Variants in DNAH5 observed in about 807,000 individuals in gnomAD.
DNAH5 encodes dynein axonemal heavy chain 5.
Under a neutral mutation model 518.2 loss-of-function variants are expected in DNAH5, and 372 were observed. The ratio of observed to expected loss-of-function variants is 0.72; its 90% CI spans 0.66 to 0.78. The LOEUF (loss-of-function observed/expected upper bound fraction) is 0.78. DNAH5 is among the 30% of genes least tolerant of loss of function. The pLI, the probability that DNAH5 is intolerant of heterozygous loss-of-function variation, is 0.00. For missense variants in DNAH5, 5,523 were observed against 5,687.0 expected (o/e 0.97, Z 0.93); for synonymous variants, 2,039 against 2,025.9 (o/e 1.01, Z -0.17).
At chr5:13,800,413 G>A (rs1039953347) in intron 47 of DNAH5, among the ~76,000 whole-genome samples, 1 of 152,110 alleles carries the variant, frequency 6.6e-6, no homozygotes, top group Non-Finnish European at 1.5e-5. Context: ...CACAAAGTCT[G>A]CACCCCTTTG....
At chr5:13,752,817 C>A (rs575805535) in intron 63 of DNAH5, among the ~76,000 whole-genome samples, 1 of 152,286 alleles carries the variant, frequency 6.6e-6, no homozygotes, top group East Asian at 1.9e-4. Flanking sequence ...AACAAACTAT[C>A]ATTTTGTTTT....
At chr5:13,883,256 G>T (rs1236392781) in intron 19 of DNAH5, among the ~76,000 whole-genome samples, 162 bp from the exon 20 acceptor site, 1 of 151,812 alleles carries the variant, frequency 6.6e-6, no homozygotes, top group Non-Finnish European at 1.5e-5. Flanking sequence ...ATCTAGTATT[G>T]CTCAATATAA....
intron 19 of DNAH5, 68 bp downstream of exon 19, chr5:13,884,920 AC>A: frequency 6.4e-7 from 1 of 1,573,216 alleles, no homozygotes; most frequent in East Asian, 2.3e-5. Flanking sequence ...ACGTGCACAC[AC>A]ACACACACAC....
intron 70 of DNAH5, 39 bp from the exon 71 acceptor site, chr5:13,721,284 AACTCTT>A: frequency 6.2e-7 from 1 of 1,613,628 alleles, no homozygotes; most frequent in Non-Finnish European, 8.5e-7. Flanking sequence ...AAGTCATTCC[AACTCTT>A]TCATGTAGAT....
At chr5:13,937,672 A>G (rs965778253) in intron 1 of DNAH5, among the ~76,000 whole-genome samples, 3 of 97,748 alleles carry the variant, frequency 3.1e-5, no homozygotes, top group Non-Finnish European at 6.1e-5. Flanking sequence ...GCCAAAGAAT[A>G]TTTGGTTGTT....
intron 3 of DNAH5, among the ~76,000 whole-genome samples, chr5:13,924,339 T>C (rs1286977132): frequency 6.6e-6 from 1 of 152,174 alleles, no homozygotes; most frequent in Non-Finnish European, 1.5e-5. Flanking sequence ...CAAGTTACTT[T>C]ATCTTTCTGT....
intron 38 of DNAH5, among the ~76,000 whole-genome samples, chr5:13,828,660 C>T (rs1157273878): frequency 1.3e-5 from 2 of 152,186 alleles, no homozygotes; most frequent in Non-Finnish European, 2.9e-5. Context: ...GTTGGGGAAA[C>T]CCATATAGCA....
At chr5:13,870,400 G>A (rs1196080533) in intron 24 of DNAH5, among the ~76,000 whole-genome samples, 7 of 152,138 alleles carry the variant, frequency 4.6e-5, no homozygotes, top group African/African-American at 1.7e-4. Context: ...TCCTTTGCAT[G>A]AAGGAGGGCC....
intron 76 of DNAH5, among the ~76,000 whole-genome samples, chr5:13,702,471 G>C (rs1742240551): frequency 6.6e-6 from 1 of 152,196 alleles, no homozygotes; most frequent in South Asian, 2.1e-4. Context: ...GGCAGAGGGA[G>C]CCGCTAATGA....
intron 64 of DNAH5, 102 bp from the exon 65 acceptor site, chr5:13,751,362 G>T: frequency 8.7e-7 from 1 of 1,151,170 alleles, no homozygotes; most frequent in South Asian, 1.4e-5. Flanking sequence ...TACATAATTG[G>T]AGATCATTTG....
rs191789720 is a variant in DNAH5 at position 13,993,147 on chromosome 5, G to A, written c.12+18501C>T. On this transcript the variant is annotated intron_variant, in intron 1 of 78. Coordinates refer to the DNAH5 transcript ENST00000681290. ...TCCACTTTTTTCCTTAGCGATGCCCGTCTACGCATGCTTAGCTTTCCAATG... is the reference window on the plus strand; with the variant it reads ...TCCACTTTTTTCCTTAGCGATGCCCATCTACGCATGCTTAGCTTTCCAATG... Among the ~76,000 whole-genome samples, 16 of 152,276 alleles carry A rather than the reference G, an allele frequency of 1.1e-4. No individual in the cohort carries two copies. The East Asian group carries it at 1.3e-3, about 13-fold the overall frequency.
At chr5:13,729,657 CT>C (rs1273759603) in intron 68 of DNAH5, 97 bp from the exon 69 acceptor site, 4 of 1,095,994 alleles carry the variant, frequency 3.6e-6, no homozygotes, top group Non-Finnish European at 5.1e-6. Context: ...AGTTATTTTA[CT>C]ACTTTCACTT....
At chr5:13,795,279 T>C (rs1261571520) in intron 47 of DNAH5, among the ~76,000 whole-genome samples, 1 of 150,428 alleles carries the variant, frequency 6.6e-6, no homozygotes, top group Non-Finnish European at 1.5e-5. Context: ...TTTGAAAAGA[T>C]CAACAAAATT....
chr5:13,988,101 T>C (rs1442837482), intron 1 of DNAH5, among the ~76,000 whole-genome samples: 1 of 152,216 alleles, frequency 6.6e-6, no homozygotes, highest in Non-Finnish European at 1.5e-5. Flanking sequence ...TTTTGGTTGA[T>C]AAGGATTTGC....
intron 35 of DNAH5, among the ~76,000 whole-genome samples, chr5:13,836,549 A>G (rs1444516427): frequency 6.6e-6 from 1 of 152,228 alleles, no homozygotes; most frequent in Admixed American, 6.5e-5. Context: ...GCTCCCATGC[A>G]GCTGATTGCT....
chr5:13,874,799 G>A (rs1422904016), intron 22 of DNAH5, among the ~76,000 whole-genome samples: 6 of 152,108 alleles, frequency 3.9e-5, no homozygotes, highest in Admixed American at 6.6e-5. Flanking sequence ...TTACAGACAT[G>A]GGCCACTACA....
chr5:13,737,259 G>T lies in DNAH5; in HGVS notation c.11448C>A (p.Tyr3816Ter). The change falls in exon 66 of 79, where the codon TAC (tyrosine) becomes TAA (stop). Residue 3816 changes from tyrosine to a stop codon, truncating the protein, a stop_gained. Coordinates refer to ENST00000265104, the MANE Select transcript of DNAH5 (RefSeq NM_001369.3). LOFTEE classifies it high-confidence loss of function. ...TTTCATTACCAAACTCACCAGGTCTGTATTCCTCCCGGGCTGAGTTAATTT... is the reference window on the plus strand; with the variant it reads ...TTTCATTACCAAACTCACCAGGTCTTTATTCCTCCCGGGCTGAGTTAATTT... ...EVQINSAREEYRPVATRGSIL... is the reference protein window; with the variant it reads ...EVQINSAREE 6.2e-7 allele frequency: 1 copy of T among 1,613,986 alleles called. No homozygotes were observed. Among genetic ancestry groups the T allele is most frequent in the East Asian group, 2.2e-5 (1 of 44,866 alleles).
At chr5:13,743,319 A>T (rs1479415521) in intron 65 of DNAH5, among the ~76,000 whole-genome samples, 1 of 152,120 alleles carries the variant, frequency 6.6e-6, no homozygotes, top group Non-Finnish European at 1.5e-5. Context: ...AGGGAATTTT[A>T]AAAGTAAGAA....
intron 56 of DNAH5, 59 bp downstream of exon 56, chr5:13,770,690 C>G: frequency 6.8e-7 from 1 of 1,475,748 alleles, no homozygotes. Context: ...CAGGGCAAAT[C>G]TGTCCCTGGT....
Sources: gnomAD v4.1 joint callset for allele counts (sites outside exome capture counted in the v4.1 genomes callset) on GRCh38, gnomAD v4.1.1 for gene constraint, MANE v1.5 for transcripts, NCBI Gene and HGNC (gene_info 2026-07-23, HGNC 2026-07-21) for gene names.